NRDC: variants seen among roughly 807,000 people sequenced by gnomAD.
The protein encoded by NRDC is nardilysin convertase.
A neutral mutation model predicts 147.1 loss-of-function variants in NRDC; 54 were observed. That is an observed-to-expected ratio of 0.37 (90% CI 0.29 to 0.46). The LOEUF (loss-of-function observed/expected upper bound fraction) is 0.46. Ranked by LOEUF, NRDC falls within the 20% of genes least tolerant of loss-of-function variation. The pLI, the probability that NRDC is intolerant of heterozygous loss-of-function variation, is 1.00. For missense variants in NRDC, 1,082 were observed against 1,370.6 expected, an observed-to-expected ratio of 0.79 and a Z score of 3.33; for synonymous variants, 440 against 482.1, an observed-to-expected ratio of 0.91 and a Z score of 1.14.
intron 18 of NRDC, among the ~76,000 whole-genome samples, chr1:51,806,112 G>A (rs542150765): frequency 6.6e-5 from 10 of 152,172 alleles, no homozygotes; most frequent in South Asian, 4.2e-4. Flanking sequence ...AGTTCCTTAT[G>A]CCATGTTCAA....
At chr1:51,835,570 GA>G (rs1383411524) in intron 3 of NRDC, among the ~76,000 whole-genome samples, 1 of 145,150 alleles carries the variant, frequency 6.9e-6, no homozygotes, top group Non-Finnish European at 1.5e-5. Context: ...AGGTTCAAAT[GA>G]TTCTCTTGCC....
At chr1:51,814,281 C>A in intron 13 of NRDC, 192 bp from the exon 14 acceptor site, 1 of 568,914 alleles carries the variant, frequency 1.8e-6, no homozygotes, top group Non-Finnish European at 3.1e-6. Flanking sequence ...GCACATATAC[C>A]CCTGAACCTA....
intron 5 of NRDC, among the ~76,000 whole-genome samples, chr1:51,826,154 G>A (rs1287334773): frequency 2.6e-5 from 4 of 152,142 alleles, no homozygotes; most frequent in Non-Finnish European, 5.9e-5. Flanking sequence ...TAAGCCACCC[G>A]GTCTGTGGGA....
At chr1:51,861,330 C>CTTTTT (rs34875207) in intron 1 of NRDC, among the ~76,000 whole-genome samples, 2 of 98,296 alleles carry the variant, frequency 2.0e-5, no homozygotes, top group African/African-American at 7.6e-5. Context: ...ATCTCTTCTT[C>CTTTTT]TTCTTTTTTT....
chr1:51,794,263 C>G (rs1452750868), intron 24 of NRDC, among the ~76,000 whole-genome samples: 1 of 152,152 alleles, frequency 6.6e-6, no homozygotes, highest in Non-Finnish European at 1.5e-5. Context: ...TAGATTAGTA[C>G]TTAGGTGATT....
chr1:51,790,692 C>A (rs1431847452), intron 28 of NRDC, 43 bp from the exon 29 acceptor site: 2 of 1,355,980 alleles, frequency 1.5e-6, no homozygotes, highest in South Asian at 2.3e-5. Context: ...AGGCAACATA[C>A]CACTTCCCAC....
chr1:51,867,910 A>AT (rs1366567008), intron 1 of NRDC, among the ~76,000 whole-genome samples: 1 of 152,168 alleles, frequency 6.6e-6, no homozygotes, highest in Non-Finnish European at 1.5e-5. Flanking sequence ...GAATAAAGAA[A>AT]TTTTCTCTCC....
intron 4 of NRDC, among the ~76,000 whole-genome samples, chr1:51,829,198 AG>A (rs1191028913): frequency 6.6e-6 from 1 of 152,082 alleles, no homozygotes; most frequent in Admixed American, 6.6e-5. Flanking sequence ...CAAGTAGCTG[AG>A]GCTACAGGCA....
intron 15 of NRDC, among the ~76,000 whole-genome samples, chr1:51,810,823 T>A (rs1679682926): frequency 6.6e-6 from 1 of 152,172 alleles, no homozygotes; most frequent in African/African-American, 2.4e-5. Flanking sequence ...GTTAAGTAAT[T>A]TGCTCAGGTT....
chr1:51,803,746 G>A, intron 20 of NRDC, 68 bp downstream of exon 20: 1 of 1,298,544 alleles, frequency 7.7e-7, no homozygotes, highest in Admixed American at 2.1e-5. Context: ...AGCATCCCAT[G>A]CACAAACCTC....
intron 16 of NRDC, 72 bp downstream of exon 16, chr1:51,810,209 A>G (rs1286220507): frequency 1.7e-6 from 2 of 1,211,624 alleles, no homozygotes; most frequent in Non-Finnish European, 2.3e-6. Flanking sequence ...GAACCATTAA[A>G]TTATTAAAGA....
chr1:51,840,017 T>A, intron 2 of NRDC: 2 of 439,020 alleles, frequency 4.6e-6, no homozygotes, highest in East Asian at 7.5e-5. Context: ...TTTTGTTTTC[T>A]TTATATTCCA....
At chr1:51,836,944 C>CTT (rs201636652) in intron 2 of NRDC, among the ~76,000 whole-genome samples, 2,272 of 128,138 alleles carry the variant, frequency 0.018, 63 homozygotes, top group African/African-American at 0.062. Context: ...ATGATTGGGA[C>CTT]TTTTTTTTTT....
intron 1 of NRDC, among the ~76,000 whole-genome samples, chr1:51,863,546 T>C (rs760220215): frequency 4.6e-5 from 7 of 152,212 alleles, no homozygotes; most frequent in Admixed American, 2.0e-4. Context: ...CTACGTCATA[T>C]ACTTCCTGTG....
In NRDC at chr1:51,871,637, T is replaced by C. The variant is rs4325090; in HGVS notation, c.341+6638A>G. Among the ~76,000 whole-genome samples, 1,207 of 151,056 alleles carry C rather than the reference T, an allele frequency of 8.0e-3. 17 individuals carry two copies. The highest frequency in any genetic ancestry group is 0.028 in the African/African-American group (1,153 of 41,152). ...GTGTCCTTATGAAGATCCTTAGCCT[T>C]AGAGACATTAGTTAACTTGCTAAAG... On this transcript the variant is annotated intron_variant, in intron 1 of 30. Transcript: ENST00000352171.
intron 1 of NRDC, among the ~76,000 whole-genome samples, chr1:51,857,869 T>G (rs926526566): frequency 6.6e-6 from 1 of 152,200 alleles, no homozygotes; most frequent in Non-Finnish European, 1.5e-5. Flanking sequence ...GGAAAAATCA[T>G]TAACTAAATT....
intron 21 of NRDC, among the ~76,000 whole-genome samples, chr1:51,799,693 T>C (rs373051719): frequency 6.6e-6 from 1 of 152,218 alleles, no homozygotes; most frequent in Non-Finnish European, 1.5e-5. Flanking sequence ...CTCAGAAGGA[T>C]ACTTTTTTCT....
intron 10 of NRDC, among the ~76,000 whole-genome samples, chr1:51,817,074 C>G (rs1176358803): frequency 1.3e-5 from 2 of 151,998 alleles, no homozygotes; most frequent in Non-Finnish European, 2.9e-5. Flanking sequence ...CAAAGACATA[C>G]AGAAAAAAAT....
chr1:51,809,409 G>A lies in NRDC; in HGVS notation c.1904-8C>T, dbSNP rs1031300431. 1.3e-6 allele frequency: 2 copies of A among 1,584,152 alleles called. No individual in the cohort carries two copies. Among genetic ancestry groups the A allele is most frequent in the Middle Eastern group, 1.7e-4 (1 of 6,012 alleles). On this transcript the variant is annotated splice_region_variant and splice_polypyrimidine_tract_variant and intron_variant, in intron 16 of 30. Coordinates refer to ENST00000352171, the MANE Select transcript of NRDC (RefSeq NM_001101662.2). ...CCCAAGAGTTTTCAATATCTGTAAA[G>A]GAGAAAAATAAACTGACCCAATAAA...
Sources: allele counts gnomAD v4.1 joint callset (sites outside exome capture counted in the v4.1 genomes callset), GRCh38; gene constraint gnomAD v4.1.1; transcripts MANE v1.5; gene names NCBI Gene and HGNC (gene_info 2026-07-23, HGNC 2026-07-21).